Variants in CLEC12A observed in about 807,000 individuals in gnomAD.
CLEC12A encodes the protein C-type lectin domain family 12 member A.
A neutral mutation model predicts 26.5 loss-of-function variants in CLEC12A; 22 were observed. The observed-to-expected ratio is 0.83, with a 90% CI of 0.59 to 1.19. The LOEUF (loss-of-function observed/expected upper bound fraction) is 1.19. Among genes scored for constraint, CLEC12A ranks in the 50% most tolerant of loss-of-function variants. CLEC12A has a pLI of 0.00. For synonymous variants in CLEC12A, 119 were observed against 101.9 expected (o/e 1.17, Z -1.01); for missense variants, 353 against 315.6 (o/e 1.12, Z -0.90).
intron 1 of CLEC12A, among the ~76,000 whole-genome samples, chr12:9,959,310 G>A (rs1378943760): frequency 1.3e-5 from 2 of 152,004 alleles, no homozygotes; most frequent in African/African-American, 4.8e-5. Flanking sequence ...AAATTAGCTG[G>A]GCGTGGTGGC....
At chr12:9,967,702 G>A (rs376227102), upstream of CLEC12A, among the ~76,000 whole-genome samples, 868 of 151,392 alleles carry the variant, frequency 5.7e-3, 8 homozygotes, top group South Asian at 0.028. Flanking sequence ...CCAGAAAAGC[G>A]GAGAAGGGGT....
At chr12:9,996,883 T>G (rs1200753327), downstream of CLEC12A, 2 of 1,614,074 alleles carry the variant, frequency 1.2e-6, no homozygotes, top group Non-Finnish European at 8.5e-7. Context: ...GAGAGTAGCA[T>G]TCATGTCAGT....
intron 4 of CLEC12A, chr12:9,992,925 G>A: frequency 4.5e-6 from 2 of 448,166 alleles, no homozygotes; most frequent in East Asian, 6.6e-5. Context: ...AAAATTAAAG[G>A]AAAATAGAAC....
At chr12:9,962,270 T>A (rs1484302056) in intron 1 of CLEC12A, among the ~76,000 whole-genome samples, 6 of 149,012 alleles carry the variant, frequency 4.0e-5, no homozygotes, top group African/African-American at 1.5e-4. Flanking sequence ...TTTTTTTTTT[T>A]TGGATCCCAA....
chr12:9,955,285 C>T (rs1235359331), intron 1 of CLEC12A, among the ~76,000 whole-genome samples: 2 of 152,094 alleles, frequency 1.3e-5, no homozygotes, highest in Non-Finnish European at 2.9e-5. Flanking sequence ...GAAGAGGTTT[C>T]ACCATGTTAG....
At chr12:10,005,629 T>C in the CLEC12A span, among the ~76,000 whole-genome samples, 2 of 152,250 alleles carry the variant, frequency 1.3e-5, no homozygotes, top group African/African-American at 4.8e-5. Context: ...TGCTCCAGGA[T>C]TTGAATCAAT....
At chr12:9,995,197 C>T (rs935242723) in exon 5 of CLEC12A, 2 of 1,613,008 alleles carry the variant, frequency 1.2e-6, no homozygotes, top group South Asian at 1.1e-5. Context: ...CGACTTCTGG[C>T]GAGATAATCC....
chr12:9,968,904 A>T (rs756170546), upstream of CLEC12A, among the ~76,000 whole-genome samples: 5 of 152,188 alleles, frequency 3.3e-5, no homozygotes, highest in Non-Finnish European at 5.9e-5. Flanking sequence ...ACACAATGGA[A>T]TATTATTTGG....
intron 1 of CLEC12A, among the ~76,000 whole-genome samples, chr12:9,960,580 A>G (rs188547724): frequency 1.5e-4 from 23 of 152,222 alleles, no homozygotes; most frequent in Admixed American, 3.9e-4. Context: ...ACACGTCCTC[A>G]GCATGAAGCA....
intron 2 of CLEC12A, 26 bp from the exon 3 acceptor site, chr12:9,979,309 AT>A (rs1437616360): frequency 1.3e-6 from 2 of 1,506,312 alleles, no homozygotes; most frequent in African/African-American, 1.4e-5. Context: ...AGAATTTACA[AT>A]TTTTTGTCAT....
intron 1 of CLEC12A, 38 bp downstream of exon 1, chr12:9,971,725 T>A (rs1211141117): frequency 1.3e-6 from 2 of 1,579,750 alleles, no homozygotes; most frequent in Non-Finnish European, 8.6e-7. Context: ...TAAGTTTGTA[T>A]AATAGAAGTG....
chr12:9,980,708 T>C lies in CLEC12A; in HGVS notation c.506T>C (p.Leu169Ser). 6.2e-7 allele frequency: 1 copy of C among 1,613,678 alleles called. No homozygotes were observed. Among genetic ancestry groups the C allele is most frequent in the East Asian group, 2.2e-5 (1 of 44,870 alleles). Residue 169 changes from leucine to serine, a missense_variant, in exon 4 of 6, where the codon TTG becomes TCG. By Grantham distance (145) the Leu-to-Ser change is moderately radical (BLOSUM62 -2). Coordinates refer to ENST00000304361, the MANE Select transcript of CLEC12A (RefSeq NM_138337.6). ...TGTGCTGCTCAGAATGCCAGCCTGT[T>C]GAAGATAAACAACAAAAATGCATTG... Reference protein sequence around the residue: ...MACAAQNASLLKINNKNALEF... With the variant: ...MACAAQNASLSKINNKNALEF...
At chr12:9,993,362 G>T in intron 4 of CLEC12A, 10 of 951,906 alleles carry the variant, frequency 1.1e-5, no homozygotes, top group East Asian at 3.3e-5. Context: ...GCGTATAGTA[G>T]TTTGATGCAC....
chr12:9,997,170 C>A, downstream of CLEC12A: 1 of 1,613,934 alleles, frequency 6.2e-7, no homozygotes, highest in South Asian at 1.1e-5. Flanking sequence ...TGAAAGTGCC[C>A]TTTAGTTCTG....
chr12:9,952,925 G>A (rs1349670312), intron 1 of CLEC12A: 2 of 99,122 alleles, frequency 2.0e-5, no homozygotes, highest in African/African-American at 4.0e-5. Flanking sequence ...GAAGTGAGGA[G>A]ACCCTCTGCC....
intron 1 of CLEC12A, among the ~76,000 whole-genome samples, chr12:9,952,238 CG>C: frequency 6.9e-6 from 1 of 144,962 alleles, no homozygotes; most frequent in Non-Finnish European, 1.5e-5. Context: ...CATGTGGAGC[CG>C]AAGCTGGACT....
chr12:9,958,357 A>G (rs1008692376), intron 1 of CLEC12A, among the ~76,000 whole-genome samples: 1 of 152,206 alleles, frequency 6.6e-6, no homozygotes, highest in African/African-American at 2.4e-5. Context: ...TACTTGGTGG[A>G]CTGGATAAAA....
upstream of CLEC12A, among the ~76,000 whole-genome samples, chr12:9,969,621 T>C (rs1162053369): frequency 6.6e-6 from 1 of 152,218 alleles, no homozygotes; most frequent in South Asian, 2.1e-4. Flanking sequence ...TCTTCTAGTG[T>C]TGATTGATGA....
intron 4 of CLEC12A, among the ~76,000 whole-genome samples, chr12:9,981,079 G>A (rs916451086): frequency 2.0e-5 from 3 of 152,136 alleles, no homozygotes; most frequent in Non-Finnish European, 4.4e-5. Context: ...CCCAGGATTA[G>A]CAATTCCATA....
Sources: gnomAD v4.1 joint callset for allele counts (sites outside exome capture counted in the v4.1 genomes callset) on GRCh38, gnomAD v4.1.1 for gene constraint, MANE v1.5 for transcripts, NCBI Gene and HGNC (gene_info 2026-07-23, HGNC 2026-07-21) for gene names.